The following LAMP2 variants were observed in gnomAD, a reference collection of about 807,000 sequenced individuals.
LAMP2 encodes lysosome associated membrane protein 2.
Under a neutral mutation model 25.6 loss-of-function variants are expected in LAMP2, and 4 were observed. The observed-to-expected ratio is 0.16, with a 90% CI of 0.08 to 0.36. The LOEUF (loss-of-function observed/expected upper bound fraction) is 0.36. LAMP2 is among the 10% of genes least tolerant of loss of function. LAMP2 has a pLI of 1.00. For synonymous variants in LAMP2, 108 were observed against 112.7 expected, an observed-to-expected ratio of 0.96 and a Z score of 0.27; for missense variants, 272 against 301.4, an observed-to-expected ratio of 0.90 and a Z score of 0.72.
chrX:120,460,759 T>A (rs1305645551), intron 1 of LAMP2, among the ~76,000 whole-genome samples: 1 of 111,896 alleles, frequency 8.9e-6, no homozygotes, highest in East Asian at 2.8e-4. Context: ...GAGACCAGCC[T>A]GGCCACCATG....
At chrX:120,443,065 A>G in intron 6 of LAMP2, among the ~76,000 whole-genome samples, 1 of 111,748 alleles carries the variant, frequency 8.9e-6, no homozygotes, top group Non-Finnish European at 1.9e-5. Flanking sequence ...TCATCTGATC[A>G]GCCAGTCATT....
Position 120,431,392 on chromosome X carries a change from T to C in LAMP2, c.1164A>G (p.Val388=). ...AATAAGCCAGCAACACTAGAATAAG[T>C]ACTCCTGCCAAGGCAGCTCCCACCG... ...PIAVGAALAG[V]LILVLLAYFI... is the part of the protein sequence containing the mutation. Residue 388 remains valine, a synonymous_variant, in exon 9 of 9, where the codon GTA becomes GTG. Coordinates refer to ENST00000200639, the MANE Select transcript of LAMP2 (RefSeq NM_002294.3). 1 of 1,210,650 alleles carries C rather than the reference T, an allele frequency of 8.3e-7. No individual in the cohort carries two copies. Among genetic ancestry groups the C allele is most frequent in the Non-Finnish European group, 1.1e-6 (1 of 894,449 alleles).
intron 1 of LAMP2, 25 bp from the exon 2 acceptor site, chrX:120,456,794 T>A (rs1236207361): frequency 9.1e-6 from 8 of 880,626 alleles, no homozygotes; most frequent in Non-Finnish European, 1.1e-5. Flanking sequence ...AAAAATAATA[T>A]TTTAAAATTG....
At position 120,463,514 on chromosome X, in the gene LAMP2, C is replaced by G. The variant is rs181424828; in HGVS notation, c.64+5592G>C. ...GTACTTATAAAGTATACTTTTGGGT[C>G]TGAGGGGATCTCTGATCACTTTAAT... On this transcript the variant is annotated intron_variant, in intron 1 of 8. Transcript: ENST00000200639. 3.6e-5 allele frequency among the ~76,000 whole-genome samples: 4 copies of G among 111,373 alleles called. No individual in the cohort carries two copies. In the Admixed American group the frequency reaches 3.8e-4, roughly 11 times the overall value.
chrX:120,467,907 C>G (rs932636651), intron 1 of LAMP2, among the ~76,000 whole-genome samples: 1 of 111,899 alleles, frequency 8.9e-6, no homozygotes, highest in African/African-American at 3.2e-5. Context: ...GGATTACAGG[C>G]ATGTGCCACG....
At position 120,426,838 on chromosome X, in the gene LAMP2, C is replaced by T. The variant is rs1452848617; in HGVS notation, c.*4485G>A. 8.9e-6 allele frequency among the ~76,000 whole-genome samples: 1 copy of T among 112,400 alleles called. No individual in the cohort carries two copies. Among genetic ancestry groups the T allele is most frequent in the Admixed American group, 9.4e-5 (1 of 10,599 alleles). On this transcript the variant is annotated 3_prime_UTR_variant, in exon 9 of 9. Transcript: ENST00000200639. ...TTTAAAAGAAAACATTCTTTACATA[C>T]TTAGCAAATAGAGGAGAGTGTGAAT...
chrX:120,469,111 A>G lies in LAMP2; in HGVS notation c.59T>C (p.Val20Ala). The change falls in exon 1 of 9, where the codon GTC becomes GCC. Residue 20 changes from valine (V) to alanine (A), a missense_variant. Val to Ala is a moderately conservative substitution (Grantham distance 64). Coordinates refer to ENST00000200639, the MANE Select transcript of LAMP2 (RefSeq NM_002294.3). ...GGGAGGGCCCGACAACTCACCCAGG[A>G]CTAGGCAGACCAGAACGAGCCCTGA... ...PGSGLVLVCLVLGAVRSYALE... is the reference protein window; with the variant it reads ...PGSGLVLVCLALGAVRSYALE... 2 of 1,211,754 alleles carry G rather than the reference A, an allele frequency of 1.7e-6. No homozygotes were observed. The highest frequency in any genetic ancestry group is 1.1e-6 in the Non-Finnish European group (1 of 895,213).
intron 1 of LAMP2, among the ~76,000 whole-genome samples, chrX:120,458,256 G>A (rs530304343): frequency 9.0e-6 from 1 of 111,559 alleles, no homozygotes; most frequent in Non-Finnish European, 1.9e-5. Context: ...TATTCTCCTT[G>A]TATTCAAAAC....
chrX:120,452,446 C>T (rs901178028), intron 3 of LAMP2, among the ~76,000 whole-genome samples: 4 of 112,159 alleles, frequency 3.6e-5, no homozygotes, highest in African/African-American at 9.7e-5. Context: ...ACCAAGCTTT[C>T]TCACTACTCT....
chrX:120,457,339 C>T (rs1034103183), intron 1 of LAMP2, among the ~76,000 whole-genome samples: 5 of 111,774 alleles, frequency 4.5e-5, no homozygotes, highest in Non-Finnish European at 9.4e-5. Context: ...CTATGACACA[C>T]GGATGTCTTC....
chrX:120,441,903 A>G lies in LAMP2; in HGVS notation c.929-9T>C, dbSNP rs978513368. On this transcript the variant is annotated splice_polypyrimidine_tract_variant and intron_variant, in intron 7 of 8. Coordinates refer to ENST00000200639, the MANE Select transcript of LAMP2 (RefSeq NM_002294.3). ...ATTTGCAATGCTGAAAACTTCAAAG[A>G]AAAGAAACAGGTTAGTAACTTCTTA... The G allele has an allele frequency of 1.2e-5, 15 of 1,201,955 alleles. No individual in the cohort carries two copies. Among genetic ancestry groups the G allele is most frequent in the Non-Finnish European group, 1.7e-5 (15 of 887,991 alleles).
At chrX:120,434,714 T>G (rs1332251260) in intron 8 of LAMP2, among the ~76,000 whole-genome samples, 1 of 112,434 alleles carries the variant, frequency 8.9e-6, no homozygotes, top group Admixed American at 9.5e-5. Context: ...TCATGTAGAT[T>G]AAAAATGCTG....
intron 8 of LAMP2, among the ~76,000 whole-genome samples, chrX:120,432,532 G>C (rs138972627): frequency 9.0e-6 from 1 of 111,126 alleles, no homozygotes; most frequent in African/African-American, 3.3e-5. Context: ...TCCTGAGCTG[G>C]ATTAATGAAG....
At position 120,446,411 on chromosome X, in the gene LAMP2, T is replaced by G. The variant is rs1439172573; in HGVS notation, c.758A>C (p.Asn253Thr). 1 of 1,209,959 alleles carries G rather than the reference T, an allele frequency of 8.3e-7. No homozygotes were observed. The highest frequency in any genetic ancestry group is 1.8e-5 in the South Asian group (1 of 56,941). The change falls in exon 6 of 9, where the codon AAC (asparagine) becomes ACC (threonine). Residue 253 changes from asparagine (N) to threonine (T), a missense_variant. Asn to Thr is a moderately conservative substitution (Grantham distance 65). Coordinates refer to ENST00000200639, the MANE Select transcript of LAMP2 (RefSeq NM_002294.3). ...GGAGTGAGTTGTATTGGGGTTGATG[T>G]TAATAACTGAAGCAACCTTCAGGAG... ...ITQDKVASVI[N>T]INPNTTHSTG...
chrX:120,431,182 C>A lies in LAMP2; in HGVS notation c.*141G>T. ...AGAGAACAGGTTTTATTAATAAAGA[C>A]TGATCTCAAAATGCTGGGATTGATA... On this transcript the variant is annotated 3_prime_UTR_variant, in exon 9 of 9. Transcript: ENST00000200639. The A allele has an allele frequency of 1.7e-6, 2 of 1,162,528 alleles. No individual in the cohort carries two copies. Among genetic ancestry groups the A allele is most frequent in the Non-Finnish European group, 2.3e-6 (2 of 869,561 alleles).
chrX:120,438,307 A>G, intron 8 of LAMP2: 6 of 754,042 alleles, frequency 8.0e-6, no homozygotes, highest in Non-Finnish European at 7.8e-6. Context: ...TAATTTTAGT[A>G]CTGCATACAG....
At chrX:120,460,018 C>T (rs1921253254) in intron 1 of LAMP2, among the ~76,000 whole-genome samples, 1 of 111,774 alleles carries the variant, frequency 8.9e-6, no homozygotes, top group African/African-American at 3.3e-5. Flanking sequence ...TGGTGGCTCA[C>T]ACCTATAATC....
intron 1 of LAMP2, 151 bp downstream of exon 1, chrX:120,468,955 C>A: frequency 1.6e-6 from 1 of 614,324 alleles, no homozygotes; most frequent in Non-Finnish European, 2.8e-6. Context: ...TCTAGGTCAC[C>A]GCTTGCCTCC....
At chrX:120,466,179 T>A (rs747260381) in intron 1 of LAMP2, among the ~76,000 whole-genome samples, 2 of 112,375 alleles carry the variant, frequency 1.8e-5, no homozygotes, top group South Asian at 3.7e-4. Context: ...GCTGATGGGT[T>A]CTTTTATGTG....
Sources: allele counts gnomAD v4.1 joint callset (sites outside exome capture counted in the v4.1 genomes callset), GRCh38; gene constraint gnomAD v4.1.1; transcripts MANE v1.5; gene names NCBI Gene and HGNC (gene_info 2026-07-23, HGNC 2026-07-21).